The following ALK variants were observed in gnomAD, a reference collection of about 807,000 sequenced individuals.
ALK encodes the protein ALK receptor tyrosine kinase.
In ALK, 74 loss-of-function variants were observed where a neutral mutation model predicts 163.1. The ratio of observed to expected loss-of-function variants is 0.45; its 90% CI spans 0.38 to 0.55. The LOEUF (loss-of-function observed/expected upper bound fraction) is 0.55, where lower values mean the gene tolerates loss of function less well. Among genes scored for constraint, ALK ranks in the 20% least tolerant of loss-of-function variants. The pLI, the probability that ALK is intolerant of heterozygous loss-of-function variation, is 0.00. For missense variants in ALK, 2,063 were observed against 2,105.3 expected (o/e 0.98, Z 0.39); for synonymous variants, 960 against 843.2 (o/e 1.14, Z -2.40).
intron 1 of ALK, among the ~76,000 whole-genome samples, chr2:29,825,770 A>G (rs1453483160): frequency 6.6e-6 from 1 of 152,144 alleles, no homozygotes; most frequent in Non-Finnish European, 1.5e-5. Context: ...TAAAAGAAAC[A>G]AAGAGGCCAG....
At chr2:29,514,243 A>G (rs1395325012) in intron 4 of ALK, among the ~76,000 whole-genome samples, 19 of 147,404 alleles carry the variant, frequency 1.3e-4, no homozygotes, top group African/African-American at 4.9e-4. Context: ...AAGACTTGGA[A>G]CCAACCCAAA....
intron 1 of ALK, among the ~76,000 whole-genome samples, chr2:29,790,547 C>T (rs1664162810): frequency 6.6e-6 from 1 of 152,132 alleles, no homozygotes; most frequent in Non-Finnish European, 1.5e-5. Context: ...TGTTACTACC[C>T]ATTGCTATTT....
intron 3 of ALK, among the ~76,000 whole-genome samples, chr2:29,636,544 T>A (rs910579949): frequency 6.6e-6 from 1 of 151,628 alleles, no homozygotes. Flanking sequence ...ACAGAAAGAG[T>A]TCTTAGACTT....
intron 3 of ALK, among the ~76,000 whole-genome samples, chr2:29,608,030 A>T (rs1487216758): frequency 3.7e-5 from 2 of 53,392 alleles, no homozygotes; most frequent in African/African-American, 2.8e-4. Context: ...GGTAAACCAC[A>T]TTTCTATTGC....
intron 4 of ALK, among the ~76,000 whole-genome samples, chr2:29,469,590 G>A (rs1671297819): frequency 6.6e-6 from 1 of 152,016 alleles, no homozygotes; most frequent in Admixed American, 6.5e-5. Flanking sequence ...TCTCTTAATG[G>A]CACCATCCCC....
intron 3 of ALK, among the ~76,000 whole-genome samples, chr2:29,573,430 T>G (rs1334741203): frequency 6.6e-6 from 1 of 152,266 alleles, no homozygotes; most frequent in Non-Finnish European, 1.5e-5. Context: ...GAATGTTATA[T>G]GCTTATCTTT....
intron 1 of ALK, among the ~76,000 whole-genome samples, chr2:29,919,189 G>A (rs1454029211): frequency 6.6e-6 from 1 of 152,224 alleles, no homozygotes; most frequent in Non-Finnish European, 1.5e-5. Context: ...AAGAGCTGCT[G>A]CTGCAGACGT....
chr2:29,775,533 C>T (rs553800229), intron 1 of ALK, among the ~76,000 whole-genome samples: 3 of 147,754 alleles, frequency 2.0e-5, no homozygotes, highest in African/African-American at 7.8e-5. Flanking sequence ...ACTCCCTCCC[C>T]CTACAAAAAA....
intron 4 of ALK, among the ~76,000 whole-genome samples, chr2:29,440,106 T>C (rs1428824290): frequency 6.0e-5 from 9 of 151,006 alleles, no homozygotes; most frequent in African/African-American, 1.9e-4. Context: ...TACTGGTGAG[T>C]GTCTGTAATC....
intron 4 of ALK, among the ~76,000 whole-genome samples, chr2:29,422,234 G>GA (rs1338628285): frequency 2.7e-5 from 4 of 149,420 alleles, no homozygotes; most frequent in African/African-American, 1.0e-4. Flanking sequence ...ATTTTTGGAA[G>GA]AACCTAACAG....
chr2:29,603,797 G>C (rs1454399677), intron 3 of ALK, among the ~76,000 whole-genome samples: 1 of 152,108 alleles, frequency 6.6e-6, no homozygotes, highest in African/African-American at 2.4e-5. Flanking sequence ...CAGTTTATCA[G>C]TTTGAGCTTA....
In ALK at chr2:29,829,681, T is replaced by C. The variant is rs142245804; in HGVS notation, c.667+90312A>G. ...GGTAAAATATTCATCAGATTAATTC[T>C]TGGTGAACAGTGAACCTATCCTAAT... is the stretch of plus-strand genomic sequence containing the variant. On this transcript the variant is annotated intron_variant, in intron 1 of 28. Coordinates refer to ENST00000389048, the MANE Select transcript of ALK (RefSeq NM_004304.5). 3.8e-4 allele frequency among the ~76,000 whole-genome samples: 58 copies of C among 152,354 alleles called. No individual in the cohort carries two copies. The Middle Eastern group carries it at 0.01, about 27-fold the overall frequency.
chr2:29,474,425 A>G (rs1671452822), intron 4 of ALK, among the ~76,000 whole-genome samples: 1 of 152,228 alleles, frequency 6.6e-6, no homozygotes, highest in Non-Finnish European at 1.5e-5. Context: ...TTCCTTTTGT[A>G]AAAATGTATC....
chr2:29,672,898 G>A (rs1487972438), intron 3 of ALK, among the ~76,000 whole-genome samples: 6 of 129,284 alleles, frequency 4.6e-5, no homozygotes, highest in Admixed American at 4.6e-4. Flanking sequence ...ATCTCATTGT[G>A]GTTTTGATTT....
At chr2:29,678,776 AAATT>A (rs1356803026) in intron 3 of ALK, among the ~76,000 whole-genome samples, 3 of 151,636 alleles carry the variant, frequency 2.0e-5, no homozygotes, top group African/African-American at 7.3e-5. Context: ...AATTTTATAT[AAATT>A]AATGACTTTC....
chr2:29,284,419 G>A (rs1334994077), intron 9 of ALK, among the ~76,000 whole-genome samples: 1 of 152,136 alleles, frequency 6.6e-6, no homozygotes, highest in African/African-American at 2.4e-5. Flanking sequence ...GAAAGAAGGG[G>A]CTGAGAACAC....
chr2:29,225,195 G>T (rs1383499794), intron 19 of ALK, among the ~76,000 whole-genome samples: 1 of 152,050 alleles, frequency 6.6e-6, no homozygotes, highest in East Asian at 1.9e-4. Flanking sequence ...CACTGAAGGA[G>T]CTCCCCACCC....
intron 3 of ALK, among the ~76,000 whole-genome samples, chr2:29,546,294 C>T (rs4666246): frequency 0.39 from 59,912 of 151,884 alleles, 12,488 homozygotes; most frequent in East Asian, 0.65. Flanking sequence ...TGCATGCGTG[C>T]CCTGGGGTGT....
intron 3 of ALK, among the ~76,000 whole-genome samples, chr2:29,581,765 C>T (rs28481704): frequency 0.011 from 1,625 of 152,242 alleles, 24 homozygotes; most frequent in South Asian, 0.045. Context: ...GAGTTCCTTT[C>T]TTCTCTCTTC....
Sources: gnomAD v4.1 joint callset for allele counts (sites outside exome capture counted in the v4.1 genomes callset) on GRCh38, gnomAD v4.1.1 for gene constraint, MANE v1.5 for transcripts, NCBI Gene and HGNC (gene_info 2026-07-23, HGNC 2026-07-21) for gene names.